GLT1D1: variants seen among roughly 807,000 people sequenced by gnomAD.
The protein encoded by GLT1D1 is glycosyltransferase 1 domain-containing protein 1.
In GLT1D1, 21 loss-of-function variants were observed where a neutral mutation model predicts 28.7. That is an observed-to-expected ratio of 0.73 (90% CI 0.52 to 1.05). The LOEUF (loss-of-function observed/expected upper bound fraction) is 1.05, where lower values mean the gene tolerates loss of function less well. Among genes scored for constraint, GLT1D1 ranks in the 50% least tolerant of loss-of-function variants. The pLI, the probability that GLT1D1 is intolerant of heterozygous loss-of-function variation, is 0.00. For missense variants in GLT1D1, 343 were observed against 330.6 expected (o/e 1.04, Z -0.29); for synonymous variants, 147 against 124.8 (o/e 1.18, Z -1.19).
At chr12:128,956,769 T>C (rs909847142) in intron 6 of GLT1D1, among the ~76,000 whole-genome samples, 1 of 152,242 alleles carries the variant, frequency 6.6e-6, no homozygotes. Context: ...GAATCAGGTA[T>C]TTTTGAAATT....
In GLT1D1 at chr12:128,928,023, A is replaced by G. The variant is rs796111167; in HGVS notation, c.376-17303A>G. ...TCAAAAAAAAAAAAAAAAAAAAAAAAAACAAAAAAGAATAGAAAAAAAGAA... is the reference window on the plus strand; with the variant it reads ...TCAAAAAAAAAAAAAAAAAAAAAAAGAACAAAAAAGAATAGAAAAAAAGAA... On this transcript the variant is annotated intron_variant, in intron 4 of 7. Coordinates refer to ENST00000281703, the MANE Select transcript of GLT1D1 (RefSeq NM_144669.3). 4.8e-3 allele frequency among the ~76,000 whole-genome samples: 715 copies of G among 149,466 alleles called. 6 individuals carry two copies. The highest frequency in any genetic ancestry group is 0.016 in the African/African-American group (667 of 40,744).
chr12:128,866,088 G>A (rs1198891252), intron 1 of GLT1D1, among the ~76,000 whole-genome samples: 3 of 135,910 alleles, frequency 2.2e-5, no homozygotes, highest in Admixed American at 1.8e-4. Context: ...TTTTTTTTGA[G>A]ACAGAGTCTT....
At chr12:128,927,999 CAAAAA>C (rs938188484) in intron 4 of GLT1D1, among the ~76,000 whole-genome samples, 2 of 42,262 alleles carry the variant, frequency 4.7e-5, no homozygotes, top group African/African-American at 2.3e-4. Flanking sequence ...GACTCTGTCT[CAAAAA>C]AAAAAAAAAA....
At chr12:128,908,512 CTTCT>C (rs1023817102) in intron 4 of GLT1D1, among the ~76,000 whole-genome samples, 2 of 138,932 alleles carry the variant, frequency 1.4e-5, no homozygotes, top group Admixed American at 7.7e-5. Context: ...TCCATCCTTC[CTTCT>C]TTCTTTCTTT....
At chr12:128,911,878 C>T (rs78104744) in intron 4 of GLT1D1, among the ~76,000 whole-genome samples, 13 of 152,160 alleles carry the variant, frequency 8.5e-5, no homozygotes, top group Admixed American at 1.3e-4. Context: ...GCTTTCCACC[C>T]GGCTGTCCTC....
At chr12:128,904,520 A>C (rs2135865345) in intron 4 of GLT1D1, among the ~76,000 whole-genome samples, 1 of 151,946 alleles carries the variant, frequency 6.6e-6, no homozygotes, top group Non-Finnish European at 1.5e-5. Flanking sequence ...AAATATCCAG[A>C]ATAGAGCTGA....
Position 128,957,536 on chromosome 12 carries a change from C to G in GLT1D1, c.541-9C>G. ...TGCCTTCCACCCCCTTTTCTCCTGTCTCCTCCAGGCAATGGATTTAGAAGT... is the reference window on the plus strand; with the variant it reads ...TGCCTTCCACCCCCTTTTCTCCTGTGTCCTCCAGGCAATGGATTTAGAAGT... On this transcript the variant is annotated splice_polypyrimidine_tract_variant and intron_variant, in intron 6 of 7. Coordinates refer to ENST00000281703, the MANE Select transcript of GLT1D1 (RefSeq NM_144669.3). 6.3e-7 allele frequency: 1 copy of G among 1,599,028 alleles called. No homozygotes were observed. The highest frequency in any genetic ancestry group is 8.6e-7 in the Non-Finnish European group (1 of 1,166,488).
chr12:128,956,171 A>AAAAAAAAAAAAAAAAAAAAAAAAAAG lies in GLT1D1; in HGVS notation c.541-1373_541-1372insAAAAAAAAAAAAAAAAAAAAAAAAGA, dbSNP rs374597920. ...GAGACTCCATCTCAAAAAAAAAAAA[A>AAAAAAAAAAAAAAAAAAAAAAAAAAG]AGAGAAAGAGAGAAAGAAAGAAAGA... On this transcript the variant is annotated intron_variant, in intron 6 of 7. Transcript: ENST00000281703. Among the ~76,000 whole-genome samples the AAAAAAAAAAAAAAAAAAAAAAAAAAG allele has an allele frequency of 4.5e-4, 29 of 63,978 alleles. 1 individual carries two copies. Among genetic ancestry groups the AAAAAAAAAAAAAAAAAAAAAAAAAAG allele is most frequent in the African/African-American group, 8.5e-4 (19 of 22,340 alleles). The allele number at this position is 63,978 out of a possible 152,430, so 42.0% of individuals were successfully genotyped here.
chr12:128,962,192 G>A (rs1262808547), intron 7 of GLT1D1, among the ~76,000 whole-genome samples: 2 of 152,204 alleles, frequency 1.3e-5, no homozygotes, highest in Non-Finnish European at 2.9e-5. Context: ...GTGCTCCAGT[G>A]AGGGGTTGAA....
At chr12:128,978,035 T>A (rs1030431600) in intron 7 of GLT1D1, among the ~76,000 whole-genome samples, 1 of 151,918 alleles carries the variant, frequency 6.6e-6, no homozygotes, top group African/African-American at 2.4e-5. Flanking sequence ...TCTGCCCACT[T>A]CAGCCTCCCA....
Position 128,983,087 on chromosome 12 carries a change from T to C in GLT1D1, c.798T>C (p.Asp266=), listed in dbSNP as rs746235160. ...GGAAGCTGGAAGGAAGCACTGAAGA[T>C]TGAGGGCCCCGCCTCATCAGACACC... Residue 266 remains aspartate (D), a synonymous_variant, in exon 8 of 8, where the codon GAT becomes GAC. Transcript: ENST00000281703. The surrounding 1 kb of genome is among the most constrained non-coding windows in gnomAD (Gnocchi z 4.7). The C allele has an allele frequency of 5.0e-6, 8 of 1,613,312 alleles. No individual in the cohort carries two copies. Among genetic ancestry groups the C allele is most frequent in the East Asian group, 4.5e-5 (2 of 44,882 alleles).
intron 4 of GLT1D1, among the ~76,000 whole-genome samples, chr12:128,911,930 T>C (rs1871575637): frequency 1.3e-5 from 2 of 152,028 alleles, no homozygotes; most frequent in South Asian, 4.1e-4. Context: ...TGTCTTTGGT[T>C]TCCCAACATA....
chr12:128,914,897 A>C, intron 4 of GLT1D1, 36 bp from the exon 6 acceptor site: 1 of 1,496,366 alleles, frequency 6.7e-7, no homozygotes, highest in Non-Finnish European at 9.0e-7. Context: ...AGTCGCTTCA[A>C]AGTGAACTTG....
intron 7 of GLT1D1, among the ~76,000 whole-genome samples, chr12:128,972,395 C>T (rs1341399640): frequency 3.3e-5 from 5 of 152,198 alleles, no homozygotes; most frequent in African/African-American, 1.2e-4. Flanking sequence ...GAGCACACGC[C>T]CCTCTCTGCT....
chr12:128,868,492 A>G (rs1252473656), intron 1 of GLT1D1, among the ~76,000 whole-genome samples: 2 of 152,114 alleles, frequency 1.3e-5, no homozygotes, highest in African/African-American at 2.4e-5. Context: ...GAGAAGGGAA[A>G]TGGGAAACGC....
intron 7 of GLT1D1, among the ~76,000 whole-genome samples, chr12:128,970,878 A>G (rs1853940615): frequency 6.6e-6 from 1 of 152,192 alleles, no homozygotes; most frequent in African/African-American, 2.4e-5. Flanking sequence ...GCAGTCAGGC[A>G]TGTTTACTCA....
intron 6 of GLT1D1, among the ~76,000 whole-genome samples, chr12:128,956,171 A>AAAAAAAAAAAAAAAAAAGAGAG (rs374597920): frequency 5.5e-4 from 35 of 63,924 alleles, no homozygotes; most frequent in Non-Finnish European, 1.0e-3. Flanking sequence ...AAAAAAAAAA[A>AAAAAAAAAAAAAAAAAAGAGAG]AGAGAAAGAG....
At chr12:128,948,883 A>G (rs544998032) in intron 6 of GLT1D1, among the ~76,000 whole-genome samples, 37 of 152,286 alleles carry the variant, frequency 2.4e-4, no homozygotes, top group South Asian at 2.1e-3. Context: ...GACCCCAAAG[A>G]AAAAAACACA....
At chr12:128,884,290 C>T (rs971466753) in intron 2 of GLT1D1, among the ~76,000 whole-genome samples, 2 of 152,024 alleles carry the variant, frequency 1.3e-5, no homozygotes, top group Non-Finnish European at 2.9e-5. Context: ...ATACAATAAG[C>T]CAGTCACAGA....
Sources: allele counts gnomAD v4.1 joint callset (sites outside exome capture counted in the v4.1 genomes callset), GRCh38; gene constraint gnomAD v4.1.1; non-coding constraint Gnocchi (gnomAD v3.1); transcripts MANE v1.5; gene names NCBI Gene and HGNC (gene_info 2026-07-23, HGNC 2026-07-21).